Variants in PRIM2 observed in about 807,000 individuals in gnomAD.
PRIM2 encodes the protein DNA primase large subunit.
In PRIM2, 39 loss-of-function variants were observed where a neutral mutation model predicts 67.3. That is an observed-to-expected ratio of 0.58 (90% CI 0.45 to 0.76). The LOEUF is 0.76. Ranked by LOEUF, PRIM2 falls within the 30% of genes least tolerant of loss-of-function variation. The probability of loss-of-function intolerance (pLI) is 0.00; values close to 1 mark genes in which losing one functional copy is unlikely to be tolerated. For synonymous variants in PRIM2, 143 were observed against 198.7 expected, an observed-to-expected ratio of 0.72 and a Z score of 2.36; for missense variants, 398 against 598.7, an observed-to-expected ratio of 0.66 and a Z score of 3.50.
At chr6:57,475,423 C>T (rs1358697932) in intron 7 of PRIM2, among the ~76,000 whole-genome samples, 9 of 152,062 alleles carry the variant, frequency 5.9e-5, no homozygotes, top group East Asian at 1.9e-4. Context: ...CATAGATTTG[C>T]GTATTTTGGA....
intron 5 of PRIM2, among the ~76,000 whole-genome samples, chr6:57,379,595 T>C (rs1263577937): frequency 6.6e-6 from 1 of 152,134 alleles, no homozygotes; most frequent in South Asian, 2.1e-4. Flanking sequence ...TAACCTGAGT[T>C]TTTATGATAA....
chr6:57,452,713 A>G (rs1453215936), intron 7 of PRIM2, among the ~76,000 whole-genome samples: 10,585 of 151,924 alleles, frequency 0.07, 527 homozygotes, highest in East Asian at 0.2. Context: ...GATTGCAAAA[A>G]TTTTCTCCCA....
At chr6:57,571,731 C>T (rs1400920743) in intron 10 of PRIM2, among the ~76,000 whole-genome samples, 1 of 152,180 alleles carries the variant, frequency 6.6e-6, no homozygotes, top group African/African-American at 2.4e-5. Context: ...AAACACAAGT[C>T]AGACTCACAA....
chr6:57,592,823 T>C (rs1776304309), intron 10 of PRIM2, among the ~76,000 whole-genome samples: 1 of 152,088 alleles, frequency 6.6e-6, no homozygotes, highest in Non-Finnish European at 1.5e-5. Context: ...ATATTTAGTC[T>C]TGTGTTTTTT....
At chr6:57,341,554 C>G (rs1768491552) in intron 5 of PRIM2, among the ~76,000 whole-genome samples, 1 of 152,068 alleles carries the variant, frequency 6.6e-6, no homozygotes, top group Non-Finnish European at 1.5e-5. Flanking sequence ...TTAGCTTGTC[C>G]CCAGGTCTCT....
chr6:57,431,000 C>T (rs1318049453), intron 7 of PRIM2, among the ~76,000 whole-genome samples: 1 of 152,096 alleles, frequency 6.6e-6, no homozygotes, highest in Non-Finnish European at 1.5e-5. Context: ...CCTTTCATAT[C>T]AGATTGCTTT....
the PRIM2 span, among the ~76,000 whole-genome samples, chr6:57,299,764 A>G: frequency 1.3e-5 from 2 of 152,050 alleles, no homozygotes; most frequent in African/African-American, 4.8e-5. Context: ...TTTCTCTTAC[A>G]TTTTCTGATT....
chr6:57,448,596 C>T (rs1323798079), intron 7 of PRIM2, among the ~76,000 whole-genome samples: 3 of 151,848 alleles, frequency 2.0e-5, no homozygotes, highest in Non-Finnish European at 4.4e-5. Flanking sequence ...GGAGGTTATA[C>T]ATTGGTTTGG....
chr6:57,378,730 G>A (rs1484391048), intron 5 of PRIM2, among the ~76,000 whole-genome samples: 10 of 152,156 alleles, frequency 6.6e-5, no homozygotes, highest in Admixed American at 3.9e-4. Flanking sequence ...AAGGTCTCTC[G>A]TCAGATATCC....
At chr6:57,557,982 T>TTATTTATTA (rs1775549175) in intron 10 of PRIM2, among the ~76,000 whole-genome samples, 3 of 152,190 alleles carry the variant, frequency 2.0e-5, no homozygotes, top group African/African-American at 7.2e-5. Context: ...TAAATAGACA[T>TTATTTATTA]TAGTCTCCTG....
At position 57,337,638 on chromosome 6, in the gene PRIM2, A is replaced by G. The variant is rs1338595414; in HGVS notation, c.459+11593A>G. Among the ~76,000 whole-genome samples the G allele has an allele frequency of 3.9e-5, 6 of 152,232 alleles. No homozygotes were observed. In the South Asian group the frequency reaches 1.2e-3, roughly 31 times the overall value. The stretch of plus-strand genomic sequence containing the variant: ...GGGTATATAATGAAATGAAGGCAGA[A>G]ATAAAGATGTTCTTTGAAACCAACG... On this transcript the variant is annotated intron_variant, in intron 5 of 13. Transcript: ENST00000615550.
chr6:57,435,889 A>G (rs569208163), intron 7 of PRIM2, among the ~76,000 whole-genome samples: 79 of 152,156 alleles, frequency 5.2e-4, no homozygotes, highest in Non-Finnish European at 9.1e-4. Flanking sequence ...AATGGGGTAT[A>G]TTATGTTTTT....
At chr6:57,357,460 CA>C (rs1769067027) in intron 5 of PRIM2, among the ~76,000 whole-genome samples, 1 of 152,172 alleles carries the variant, frequency 6.6e-6, no homozygotes, top group African/African-American at 2.4e-5. Context: ...GTTGTGAAAA[CA>C]TGTTTTTTCC....
chr6:57,517,034 T>C (rs1340693854), intron 8 of PRIM2, among the ~76,000 whole-genome samples: 20 of 152,190 alleles, frequency 1.3e-4, no homozygotes, highest in Non-Finnish European at 2.8e-4. Flanking sequence ...GACTCCAAAG[T>C]TTCTCAGGAA....
chr6:57,622,421 A>G (rs1252971424), intron 12 of PRIM2, among the ~76,000 whole-genome samples: 2 of 152,170 alleles, frequency 1.3e-5, no homozygotes, highest in African/African-American at 4.8e-5. Flanking sequence ...TCTACAGTGT[A>G]TTTTAATGTT....
At chr6:57,582,921 A>G (rs1256977636) in intron 10 of PRIM2, among the ~76,000 whole-genome samples, 23 of 134,814 alleles carry the variant, frequency 1.7e-4, no homozygotes, top group Admixed American at 4.5e-4. Context: ...ATATCTCCCA[A>G]TGCTATCCCT....
intron 5 of PRIM2, among the ~76,000 whole-genome samples, chr6:57,358,745 A>G (rs5021202): frequency 1.3e-5 from 2 of 152,330 alleles, no homozygotes; most frequent in South Asian, 2.1e-4. Context: ...TATTTTCACT[A>G]TAAGTATTAT....
chr6:57,311,679 G>A (rs936197346), upstream of PRIM2, among the ~76,000 whole-genome samples: 8 of 152,090 alleles, frequency 5.3e-5, no homozygotes, highest in Admixed American at 3.9e-4. Context: ...AAGGCAGGCC[G>A]CTGGGAGGTG....
At chr6:57,361,611 G>A (rs1181276422) in intron 5 of PRIM2, among the ~76,000 whole-genome samples, 1 of 150,068 alleles carries the variant, frequency 6.7e-6, no homozygotes, top group African/African-American at 2.5e-5. Flanking sequence ...TTGATAAAAA[G>A]TGTGCTTTCT....
Sources: gnomAD v4.1 joint callset for allele counts (sites outside exome capture counted in the v4.1 genomes callset) on GRCh38, gnomAD v4.1.1 for gene constraint, MANE v1.5 for transcripts, NCBI Gene and HGNC (gene_info 2026-07-23, HGNC 2026-07-21) for gene names.